Variants in SNX8 observed in about 807,000 individuals in gnomAD.
SNX8 encodes sorting nexin-8.
Under a neutral mutation model 51.6 loss-of-function variants are expected in SNX8, and 25 were observed. That is an observed-to-expected ratio of 0.48 (90% CI 0.35 to 0.68). The LOEUF (loss-of-function observed/expected upper bound fraction) is 0.68. Among genes scored for constraint, SNX8 ranks in the 30% least tolerant of loss-of-function variants. SNX8 has a pLI of 0.00. For synonymous variants in SNX8, 324 were observed against 277.0 expected, an observed-to-expected ratio of 1.17 and a Z score of -1.68; for missense variants, 695 against 624.0, an observed-to-expected ratio of 1.11 and a Z score of -1.21.
chr7:2,256,958 C>T lies in SNX8; in HGVS notation c.1200G>A (p.Glu400=). Reference sequence around the variant, plus strand: ...GCAGGTAGACGTGGATGAGCTGCGTCTCCTGGTGCAGGCAGTACAGGGAGA... The same window carrying T: ...GCAGGTAGACGTGGATGAGCTGCGTTTCCTGGTGCAGGCAGTACAGGGAGA... The part of the protein sequence containing the change: ...NYFSLYCLHQ[E]TQLIHVYLPL... The change falls in exon 10 of 11, where the codon GAG becomes GAA. Residue 400 remains glutamate (E), a synonymous_variant. Coordinates refer to ENST00000222990, the MANE Select transcript of SNX8 (RefSeq NM_013321.4). 1 of 1,613,722 alleles carries T rather than the reference C, an allele frequency of 6.2e-7. No homozygotes were observed. Among genetic ancestry groups the T allele is most frequent in the South Asian group, 1.1e-5 (1 of 91,070 alleles).
intron 1 of SNX8, among the ~76,000 whole-genome samples, chr7:2,334,629 G>A (rs1778792225): frequency 6.6e-6 from 1 of 151,960 alleles, no homozygotes; most frequent in South Asian, 2.1e-4. Context: ...GAGCCCAGGA[G>A]GCAGAGGTTG....
Position 2,254,141 on chromosome 7 carries a change from G to C in SNX8, c.*915C>G, listed in dbSNP as rs1454467304. On this transcript the variant is annotated 3_prime_UTR_variant, in exon 11 of 11. Transcript: ENST00000222990. Reference sequence around the variant, plus strand: ...GGCTGGGCCGGCAAGTGCGTGACGGGAGGCTGGGAGGAGGGCTCTAGGTGC... The same window carrying C: ...GGCTGGGCCGGCAAGTGCGTGACGGCAGGCTGGGAGGAGGGCTCTAGGTGC... The C allele has an allele frequency of 6.6e-6, 1 of 152,476 alleles. No individual in the cohort carries two copies. The highest frequency in any genetic ancestry group is 2.4e-5 in the African/African-American group (1 of 41,464). The allele number at this position is 152,476 out of a possible 1,614,324, so 9.4% of individuals were successfully genotyped here.
intron 7 of SNX8, among the ~76,000 whole-genome samples, chr7:2,261,242 G>A (rs139705150): frequency 0.025 from 3,880 of 152,238 alleles, 138 homozygotes; most frequent in African/African-American, 0.084. Context: ...AGACCAGCCC[G>A]GCCAACACGG....
Position 2,260,022 on chromosome 7 carries a change from GAA to G in SNX8, c.916-2221_916-2220del, listed in dbSNP as rs1317915977. Among the ~76,000 whole-genome samples the G allele has an allele frequency of 2.0e-5, 3 of 152,076 alleles. No homozygotes were observed. The East Asian group carries it at 5.8e-4, about 29-fold the overall frequency. ...AGGAAAAAAGAAAGAGAGAGAGAAA[GAA>G]AGAGAGAGAGAGGAAGGAAGGAAGG... On this transcript the variant is annotated intron_variant, in intron 7 of 10. Coordinates refer to ENST00000222990, the MANE Select transcript of SNX8 (RefSeq NM_013321.4).
intron 1 of SNX8, among the ~76,000 whole-genome samples, chr7:2,288,955 T>C (rs1796091801): frequency 6.6e-6 from 1 of 152,206 alleles, no homozygotes; most frequent in Non-Finnish European, 1.5e-5. Flanking sequence ...CAGGCTGGTC[T>C]CCAACTCCGA....
chr7:2,322,045 A>G (rs1778528627), intron 1 of SNX8, among the ~76,000 whole-genome samples: 1 of 152,106 alleles, frequency 6.6e-6, no homozygotes, highest in African/African-American at 2.4e-5. Flanking sequence ...ATTCTAAAAC[A>G]TTTTGCTTAG....
chr7:2,314,477 C>A, upstream of SNX8: 1 of 1,181,644 alleles, frequency 8.5e-7, no homozygotes, highest in Non-Finnish European at 1.0e-6. Context: ...CGCAGCCCTG[C>A]CGCGCCGCGC....
At chr7:2,342,417 G>A (rs956299504) in intron 1 of SNX8, among the ~76,000 whole-genome samples, 10 of 152,112 alleles carry the variant, frequency 6.6e-5, no homozygotes, top group African/African-American at 2.4e-4. Flanking sequence ...ACTTTGGGGG[G>A]CTGAGGAGGG....
chr7:2,310,832 G>A (rs1167012240), intron 1 of SNX8, among the ~76,000 whole-genome samples: 2 of 151,950 alleles, frequency 1.3e-5, no homozygotes, highest in African/African-American at 2.4e-5. Flanking sequence ...ACTACGCTAG[G>A]GAAACATGAG....
At chr7:2,292,609 C>T (rs1185108132) in intron 1 of SNX8, among the ~76,000 whole-genome samples, 1 of 152,022 alleles carries the variant, frequency 6.6e-6, no homozygotes, top group African/African-American at 2.4e-5. Flanking sequence ...AACGTGGTTT[C>T]ACCATGTTGG....
At chr7:2,271,103 G>A (rs754828416) in intron 4 of SNX8, among the ~76,000 whole-genome samples, 3 of 152,190 alleles carry the variant, frequency 2.0e-5, no homozygotes, top group Non-Finnish European at 4.4e-5. Flanking sequence ...GAGTGCAGTG[G>A]CACAATCACA....
At chr7:2,297,892 C>T (rs1260530041) in intron 1 of SNX8, among the ~76,000 whole-genome samples, 2 of 151,600 alleles carry the variant, frequency 1.3e-5, no homozygotes, top group Non-Finnish European at 2.9e-5. Context: ...CCTCAGAGGG[C>T]GGGAGGGGGT....
At chr7:2,304,834 A>G (rs1796511198) in intron 1 of SNX8, among the ~76,000 whole-genome samples, 2 of 152,296 alleles carry the variant, frequency 1.3e-5, no homozygotes, top group South Asian at 2.1e-4. Flanking sequence ...AAACACGGGC[A>G]CTAAGTGGCC....
intron 1 of SNX8, among the ~76,000 whole-genome samples, chr7:2,353,449 T>A (rs949082550): frequency 6.6e-6 from 1 of 152,062 alleles, no homozygotes; most frequent in African/African-American, 2.4e-5. Context: ...TTTTTGGCAT[T>A]TTATTTTATT....
chr7:2,306,612 A>G (rs1203502301), intron 1 of SNX8, among the ~76,000 whole-genome samples: 1 of 152,230 alleles, frequency 6.6e-6, no homozygotes, highest in Non-Finnish European at 1.5e-5. Context: ...AAAAATGTCA[A>G]GTGAAAGGAA....
chr7:2,340,558 G>A (rs1278824977), intron 1 of SNX8, among the ~76,000 whole-genome samples: 1 of 150,738 alleles, frequency 6.6e-6, no homozygotes, highest in East Asian at 2.0e-4. Flanking sequence ...TACTTTAGTT[G>A]TCAAACTCTA....
At chr7:2,271,823 G>A (rs771711481) in intron 4 of SNX8, 27 bp downstream of exon 4, 4 of 1,583,418 alleles carry the variant, frequency 2.5e-6, no homozygotes, top group Middle Eastern at 1.7e-4. Context: ...CCCGGGGCCG[G>A]GACATGGGCA....
intron 5 of SNX8, among the ~76,000 whole-genome samples, chr7:2,264,805 C>T (rs111802634): frequency 0.024 from 3,631 of 152,052 alleles, 152 homozygotes; most frequent in African/African-American, 0.083. Flanking sequence ...GAGGCTGAGG[C>T]AGGTGGATCA....
At chr7:2,314,575 C>G (rs1796724614), upstream of SNX8, 2 of 710,554 alleles carry the variant, frequency 2.8e-6, no homozygotes, top group Non-Finnish European at 3.5e-6. Context: ...CCGCGCTCCT[C>G]GCCCGGCCTC....
Sources: gnomAD v4.1 joint callset for allele counts (sites outside exome capture counted in the v4.1 genomes callset) on GRCh38, gnomAD v4.1.1 for gene constraint, MANE v1.5 for transcripts, NCBI Gene and HGNC (gene_info 2026-07-23, HGNC 2026-07-21) for gene names.